The following UNC13C variants were observed in gnomAD, a reference collection of about 807,000 sequenced individuals.
UNC13C encodes protein unc-13 homolog C.
In UNC13C, 174 loss-of-function variants were observed where a neutral mutation model predicts 245.4. The ratio of observed to expected loss-of-function variants is 0.71; its 90% CI spans 0.63 to 0.80. The LOEUF is 0.80. UNC13C is among the 30% of genes least tolerant of loss of function. UNC13C has a pLI of 0.00. For synonymous variants in UNC13C, 992 were observed against 895.1 expected (o/e 1.11, Z -1.93); for missense variants, 2,829 against 2,602.9 (o/e 1.09, Z -1.89).
intron 30 of UNC13C, among the ~76,000 whole-genome samples, chr15:54,617,103 C>T (rs965540075): frequency 6.6e-6 from 1 of 152,032 alleles, no homozygotes; most frequent in Non-Finnish European, 1.5e-5. Context: ...ATGATGTTCG[C>T]ACAATGAAGA....
At chr15:54,625,357 G>A (rs548924534) in intron 32 of UNC13C, among the ~76,000 whole-genome samples, 1 of 152,082 alleles carries the variant, frequency 6.6e-6, no homozygotes, top group Admixed American at 6.6e-5. Context: ...AAGGAGGGTG[G>A]ATCCACAGGG....
At chr15:53,953,476 T>C in the UNC13C span, among the ~76,000 whole-genome samples, 66,968 of 152,044 alleles carry the variant, frequency 0.44, 14,861 homozygotes, top group East Asian at 0.62. Context: ...TCTGGAACAG[T>C]AATATTAAGG....
chr15:54,330,258 A>G (rs1334398540), intron 14 of UNC13C, among the ~76,000 whole-genome samples: 6 of 152,118 alleles, frequency 3.9e-5, no homozygotes, highest in Non-Finnish European at 8.8e-5. Flanking sequence ...TAAATCTTTC[A>G]AAACAATAAG....
At chr15:53,975,652 G>C (rs1434932731), upstream of UNC13C, among the ~76,000 whole-genome samples, 1 of 152,090 alleles carries the variant, frequency 6.6e-6, no homozygotes, top group Non-Finnish European at 1.5e-5. Flanking sequence ...TTTTGGTTTA[G>C]TCAAGCTTCA....
chr15:53,946,673 G>GTTTTTTTTTTTTTTTTTTTTTTTTTTTT, the UNC13C span, among the ~76,000 whole-genome samples: 3 of 99,284 alleles, frequency 3.0e-5, no homozygotes, highest in African/African-American at 4.0e-5. Flanking sequence ...GTGAGCTGAG[G>GTTTTTTTTTTTTTTTTTTTTTTTTTTTT]TTTTTTTTTT....
chr15:53,950,045 C>G, the UNC13C span, among the ~76,000 whole-genome samples: 11 of 152,118 alleles, frequency 7.2e-5, no homozygotes, highest in African/African-American at 2.7e-4. Flanking sequence ...AGACAAACAT[C>G]TGTGACACTC....
intron 21 of UNC13C, 70 bp from the exon 22 acceptor site, chr15:54,500,765 A>G (rs1894171348): frequency 1.5e-6 from 2 of 1,355,124 alleles, no homozygotes; most frequent in Non-Finnish European, 1.0e-6. Flanking sequence ...TGTTGATGGG[A>G]AACAGTGAAG....
chr15:54,000,467 A>G (rs1019058905), intron 1 of UNC13C, among the ~76,000 whole-genome samples: 8 of 152,178 alleles, frequency 5.3e-5, no homozygotes, highest in African/African-American at 9.6e-5. Flanking sequence ...ATACCATTAC[A>G]TAGCATAAAT....
chr15:53,862,928 C>A, the UNC13C span, among the ~76,000 whole-genome samples: 1 of 152,114 alleles, frequency 6.6e-6, no homozygotes, highest in Admixed American at 6.6e-5. Flanking sequence ...AAAATACATT[C>A]ATTTCATCCC....
intron 13 of UNC13C, chr15:54,321,319 G>T: frequency 2.1e-6 from 1 of 471,126 alleles, no homozygotes; most frequent in Non-Finnish European, 4.2e-6. Flanking sequence ...TAATCTCTTG[G>T]GTGATGTCCT....
chr15:54,425,500 C>G lies in UNC13C; in HGVS notation c.4933+10433C>G, dbSNP rs759516747. Among the ~76,000 whole-genome samples, 27 of 151,806 alleles carry G rather than the reference C, an allele frequency of 1.8e-4. 1 individual carries two copies. The highest frequency in any genetic ancestry group is 1.1e-3 in the Admixed American group (16 of 15,210). On this transcript the variant is annotated intron_variant, in intron 19 of 32. Coordinates refer to ENST00000260323, the MANE Select transcript of UNC13C (RefSeq NM_001080534.3). Reference sequence around the variant, plus strand: ...GGACAACCAGGCATGAGAGATCTTACTAACAGACCCAAAGGCAAATGACAC... The same window carrying G: ...GGACAACCAGGCATGAGAGATCTTAGTAACAGACCCAAAGGCAAATGACAC...
At chr15:53,967,350 T>C in the UNC13C span, among the ~76,000 whole-genome samples, 1 of 151,650 alleles carries the variant, frequency 6.6e-6, no homozygotes, top group South Asian at 2.1e-4. Flanking sequence ...TTTTGTTTTG[T>C]TTTTTTTCGA....
intron 30 of UNC13C, among the ~76,000 whole-genome samples, chr15:54,597,452 A>G (rs1233265156): frequency 6.6e-6 from 1 of 152,092 alleles, no homozygotes; most frequent in Non-Finnish European, 1.5e-5. Flanking sequence ...TAAGGGGTTT[A>G]TTTTACTTAG....
At chr15:54,564,337 G>A (rs2141211578) in intron 29 of UNC13C, among the ~76,000 whole-genome samples, 1 of 152,112 alleles carries the variant, frequency 6.6e-6, no homozygotes, top group Non-Finnish European at 1.5e-5. Context: ...GAGGAAGTCA[G>A]TTGAGTATCG....
At chr15:54,413,744 T>C (rs1205649763) in intron 18 of UNC13C, among the ~76,000 whole-genome samples, 1 of 152,168 alleles carries the variant, frequency 6.6e-6, no homozygotes, top group Non-Finnish European at 1.5e-5. Context: ...TCAATAGTCT[T>C]TTCTTATTTG....
At chr15:54,253,817 T>C (rs779315194) in intron 8 of UNC13C, among the ~76,000 whole-genome samples, 12 of 152,304 alleles carry the variant, frequency 7.9e-5, no homozygotes, top group African/African-American at 1.4e-4. Flanking sequence ...TCCTTGATTA[T>C]GTTTTCAGTG....
At chr15:54,025,351 G>A (rs915240167) in intron 2 of UNC13C, among the ~76,000 whole-genome samples, 2 of 152,196 alleles carry the variant, frequency 1.3e-5, no homozygotes, top group Middle Eastern at 3.2e-3. Flanking sequence ...CCTAGAAGGT[G>A]TGGAGCTTAA....
intron 19 of UNC13C, among the ~76,000 whole-genome samples, chr15:54,456,213 C>T (rs988334412): frequency 6.6e-6 from 1 of 152,160 alleles, no homozygotes; most frequent in African/African-American, 2.4e-5. Flanking sequence ...GCCTACATGC[C>T]TGTTTTTCAT....
chr15:54,138,240 C>T (rs1215481473), intron 2 of UNC13C, among the ~76,000 whole-genome samples: 9 of 152,002 alleles, frequency 5.9e-5, no homozygotes, highest in Non-Finnish European at 1.3e-4. Flanking sequence ...AAAATGTACA[C>T]TCTAGAGGAA....
Sources: gnomAD v4.1 joint callset for allele counts (sites outside exome capture counted in the v4.1 genomes callset) on GRCh38, gnomAD v4.1.1 for gene constraint, MANE v1.5 for transcripts, NCBI Gene and HGNC (gene_info 2026-07-23, HGNC 2026-07-21) for gene names.